HFM1: variants seen among roughly 807,000 people sequenced by gnomAD.
The protein encoded by HFM1 is helicase for meiosis 1.
HFM1 carries 169 observed loss-of-function variants against 192.1 expected under a neutral mutation model. The observed-to-expected ratio is 0.88, with a 90% CI of 0.78 to 1.00. HFM1 has a LOEUF of 1.00. Ranked by LOEUF, HFM1 falls within the 50% of genes least tolerant of loss-of-function variation. The probability of loss-of-function intolerance (pLI) is 0.00; values close to 1 mark genes in which losing one functional copy is unlikely to be tolerated. For synonymous variants in HFM1, 525 were observed against 537.8 expected (o/e 0.98, Z 0.33); for missense variants, 1,661 against 1,668.0 (o/e 1.00, Z 0.07).
chr1:91,270,362 G>C (rs1666167738), intron 34 of HFM1, among the ~76,000 whole-genome samples: 1 of 151,904 alleles, frequency 6.6e-6, no homozygotes, highest in South Asian at 2.1e-4. Flanking sequence ...GTAGAGTGAG[G>C]TAAGAAGAAG....
At chr1:91,382,146 T>C (rs964273446) in intron 6 of HFM1, among the ~76,000 whole-genome samples, 4 of 152,280 alleles carry the variant, frequency 2.6e-5, no homozygotes, top group South Asian at 2.1e-4. Context: ...TAGACTGTTA[T>C]TCCTTCCATA....
intron 30 of HFM1, among the ~76,000 whole-genome samples, chr1:91,300,564 C>T (rs1648573396): frequency 6.6e-6 from 1 of 152,186 alleles, no homozygotes; most frequent in Non-Finnish European, 1.5e-5. Context: ...AATCTAGCAG[C>T]ACATCAAAAA....
intron 30 of HFM1, among the ~76,000 whole-genome samples, chr1:91,282,183 G>A (rs1023593816): frequency 6.6e-6 from 1 of 151,964 alleles, no homozygotes; most frequent in African/African-American, 2.4e-5. Flanking sequence ...TTAGATACTG[G>A]GTTCTTAAAT....
intron 20 of HFM1, chr1:91,328,263 C>G: frequency 2.8e-6 from 2 of 716,102 alleles, no homozygotes; most frequent in Non-Finnish European, 4.3e-6. Context: ...AGGCGACCCG[C>G]AGCTAAGCTG....
chr1:91,310,192 T>C (rs919975599), intron 30 of HFM1, among the ~76,000 whole-genome samples: 3 of 152,186 alleles, frequency 2.0e-5, no homozygotes, highest in Admixed American at 6.5e-5. Flanking sequence ...AAAAGTAATG[T>C]AGTTTAAAAA....
chr1:91,330,536 GA>G (rs1653670200), intron 20 of HFM1, among the ~76,000 whole-genome samples: 1 of 152,096 alleles, frequency 6.6e-6, no homozygotes, highest in Non-Finnish European at 1.5e-5. Flanking sequence ...AGAAGCCTGG[GA>G]CCCAATGGCT....
intron 20 of HFM1, among the ~76,000 whole-genome samples, chr1:91,341,392 CA>C (rs762128076): frequency 7.2e-5 from 11 of 152,058 alleles, no homozygotes; most frequent in Non-Finnish European, 1.5e-4. Context: ...CTGATGAAAA[CA>C]AAGGCAGAAC....
intron 13 of HFM1, among the ~76,000 whole-genome samples, chr1:91,373,901 A>G (rs1489765892): frequency 1.3e-5 from 2 of 152,132 alleles, no homozygotes; most frequent in African/African-American, 4.8e-5. Flanking sequence ...CAGGATGAAC[A>G]TGAGTCCCCC....
intron 30 of HFM1, among the ~76,000 whole-genome samples, chr1:91,306,262 G>A (rs1354109542): frequency 6.6e-6 from 1 of 152,168 alleles, no homozygotes; most frequent in Admixed American, 6.5e-5. Context: ...AACCTGGGAG[G>A]TGGAGATTAT....
intron 13 of HFM1, among the ~76,000 whole-genome samples, chr1:91,371,117 C>T (rs980652646): frequency 6.6e-6 from 1 of 151,926 alleles, no homozygotes; most frequent in African/African-American, 2.4e-5. Context: ...GAAGAACATT[C>T]CATGCTCATG....
intron 30 of HFM1, among the ~76,000 whole-genome samples, chr1:91,285,447 T>C (rs925139613): frequency 1.1e-4 from 17 of 152,186 alleles, no homozygotes; most frequent in African/African-American, 3.9e-4. Flanking sequence ...TGACAAGGGA[T>C]TAGAACAACT....
chr1:91,298,030 A>T (rs1215863900), intron 30 of HFM1, among the ~76,000 whole-genome samples: 2 of 152,156 alleles, frequency 1.3e-5, no homozygotes, highest in African/African-American at 4.8e-5. Flanking sequence ...AAAGAAGTTA[A>T]AAACCTTGAA....
At chr1:91,290,641 A>G (rs1046653516) in intron 30 of HFM1, among the ~76,000 whole-genome samples, 1 of 152,198 alleles carries the variant, frequency 6.6e-6, no homozygotes, top group Non-Finnish European at 1.5e-5. Context: ...ACACAGATCA[A>G]CGAGACAGAA....
At chr1:91,273,319 A>G (rs1666486897) in intron 34 of HFM1, among the ~76,000 whole-genome samples, 1 of 152,074 alleles carries the variant, frequency 6.6e-6, no homozygotes. Context: ...AACTTGCCCA[A>G]GGTCACATTG....
At chr1:91,368,061 GAAAC>G (rs1408563627) in intron 13 of HFM1, among the ~76,000 whole-genome samples, 2 of 152,140 alleles carry the variant, frequency 1.3e-5, no homozygotes, top group African/African-American at 4.8e-5. Flanking sequence ...AGAATAAAAA[GAAAC>G]AAACAAAGCC....
At chr1:91,405,302 A>G (rs1308193217), upstream of HFM1, among the ~76,000 whole-genome samples, 1 of 152,254 alleles carries the variant, frequency 6.6e-6, no homozygotes, top group Non-Finnish European at 1.5e-5. Context: ...AAATGTGTTT[A>G]GCCAACATGA....
chr1:91,365,036 C>T (rs957490331), intron 13 of HFM1, among the ~76,000 whole-genome samples: 5 of 152,022 alleles, frequency 3.3e-5, no homozygotes, highest in African/African-American at 1.2e-4. Context: ...TGCGACTTGC[C>T]ACAACATGGC....
At position 91,326,474 on chromosome 1, in the gene HFM1, G is replaced by GA. The variant is rs200182184; in HGVS notation, c.2336-1709dup. Among the ~76,000 whole-genome samples, 139 of 145,436 alleles carry GA rather than the reference G, an allele frequency of 9.6e-4. 1 individual carries two copies. Among genetic ancestry groups the GA allele is most frequent in the South Asian group, 3.7e-3 (17 of 4,612 alleles). ...GGCAGGACATATTTAAAGTGCTAAAGAAAAAAAAAACCCTTTTACTCTAGA... is the reference window on the plus strand; with the variant it reads ...GGCAGGACATATTTAAAGTGCTAAAGAAAAAAAAAAACCCTTTTACTCTAGA... On this transcript the variant is annotated intron_variant, in intron 20 of 38. Coordinates refer to ENST00000370425, the MANE Select transcript of HFM1 (RefSeq NM_001017975.6).
chr1:91,339,649 T>G (rs1207536535), intron 20 of HFM1, among the ~76,000 whole-genome samples: 3 of 152,040 alleles, frequency 2.0e-5, no homozygotes, highest in Non-Finnish European at 4.4e-5. Flanking sequence ...TGGGATTATG[T>G]AGAGACCAAA....
Sources: gnomAD v4.1 joint callset for allele counts (sites outside exome capture counted in the v4.1 genomes callset) on GRCh38, gnomAD v4.1.1 for gene constraint, MANE v1.5 for transcripts, NCBI Gene and HGNC (gene_info 2026-07-23, HGNC 2026-07-21) for gene names.